CNGB3: variants seen among roughly 807,000 people sequenced by gnomAD.
CNGB3 encodes the protein cyclic nucleotide-gated channel beta-3.
A neutral mutation model predicts 92.8 loss-of-function variants in CNGB3; 86 were observed. The ratio of observed to expected loss-of-function variants is 0.93; its 90% CI spans 0.78 to 1.11. The LOEUF is 1.11. Ranked by LOEUF, CNGB3 falls within the 50% of genes least tolerant of loss-of-function variation. CNGB3 has a pLI of 0.00. For synonymous variants in CNGB3, 333 were observed against 332.7 expected (o/e 1.00, Z -0.01); for missense variants, 1,026 against 956.8 (o/e 1.07, Z -0.95).
intron 2 of CNGB3, among the ~76,000 whole-genome samples, chr8:86,736,522 G>C (rs965839391): frequency 1.3e-5 from 2 of 151,986 alleles, no homozygotes; most frequent in Admixed American, 6.6e-5. Flanking sequence ...TGCTAATTAA[G>C]GTTGTATTTT....
rs537883462 is a variant in CNGB3 at position 86,726,417 on chromosome 8, A to T, written c.338+114T>A. 17 of 1,413,700 alleles carry T rather than the reference A, an allele frequency of 1.2e-5. No individual in the cohort carries two copies. The South Asian group carries it at 2.0e-4, about 16-fold the overall frequency. 87.6% of individuals were successfully genotyped at this position (1,413,700 alleles called of 1,614,324 possible). ...CACAGTTTTTTTGTGTTATGTGACT[A>T]TTGAATTTTTTCTGCCCTTATATTC... On this transcript the variant is annotated intron_variant, in intron 3 of 17. Coordinates refer to ENST00000320005, the MANE Select transcript of CNGB3 (RefSeq NM_019098.5).
intron 13 of CNGB3, among the ~76,000 whole-genome samples, chr8:86,613,913 A>G (rs138572389): frequency 6.8e-6 from 1 of 147,746 alleles, no homozygotes; most frequent in East Asian, 1.9e-4. Flanking sequence ...TATATATAAT[A>G]TGTACATATA....
intron 8 of CNGB3, 44 bp from the exon 9 acceptor site, chr8:86,644,730 AAT>A: frequency 2.4e-6 from 3 of 1,237,030 alleles, no homozygotes; most frequent in East Asian, 2.7e-5. Context: ...GTTAGTCTTA[AAT>A]ATATATATTT....
chr8:86,693,926 A>T (rs1399945112), intron 3 of CNGB3, among the ~76,000 whole-genome samples: 1 of 136,656 alleles, frequency 7.3e-6, no homozygotes, highest in East Asian at 2.6e-4. Flanking sequence ...CAAAACCGCC[A>T]TTGTCATCAT....
At chr8:86,688,751 T>TA (rs1586016876) in intron 3 of CNGB3, among the ~76,000 whole-genome samples, 1 of 151,988 alleles carries the variant, frequency 6.6e-6, no homozygotes, top group East Asian at 1.9e-4. Context: ...TATCTTTTTT[T>TA]AAAAAACCAA....
At chr8:86,683,660 A>T (rs1219015521) in intron 3 of CNGB3, among the ~76,000 whole-genome samples, 1 of 152,164 alleles carries the variant, frequency 6.6e-6, no homozygotes, top group Non-Finnish European at 1.5e-5. Flanking sequence ...TGCTAGGGAC[A>T]GACCTGCAGG....
chr8:86,612,264 A>G (rs115307653), intron 13 of CNGB3, among the ~76,000 whole-genome samples: 279 of 152,322 alleles, frequency 1.8e-3, no homozygotes, highest in African/African-American at 6.4e-3. Context: ...TAATAGTGTA[A>G]GAAACACTGT....
chr8:86,691,221 T>C (rs1026183999), intron 3 of CNGB3, among the ~76,000 whole-genome samples: 12 of 152,324 alleles, frequency 7.9e-5, no homozygotes, highest in African/African-American at 2.9e-4. Flanking sequence ...GTACATTTAT[T>C]TTGTAATCTG....
chr8:86,659,333 C>A, intron 6 of CNGB3: 1 of 1,173,666 alleles, frequency 8.5e-7, no homozygotes, highest in Non-Finnish European at 1.3e-6. Context: ...CCATGGCCTG[C>A]TGTAACTGCT....
intron 12 of CNGB3, 144 bp downstream of exon 12, chr8:86,628,775 C>A (rs1485515507): frequency 7.3e-6 from 6 of 827,098 alleles, no homozygotes; most frequent in Admixed American, 2.5e-5. Flanking sequence ...AAAAAAAAAA[C>A]CTGTAGCATT....
At chr8:86,632,698 G>C in intron 11 of CNGB3, 54 bp downstream of exon 11, 1 of 1,566,426 alleles carries the variant, frequency 6.4e-7, no homozygotes. Context: ...ACAAAGACCT[G>C]TTAGTCTTTC....
At chr8:86,685,359 C>T (rs1305403134) in intron 3 of CNGB3, among the ~76,000 whole-genome samples, 1 of 152,016 alleles carries the variant, frequency 6.6e-6, no homozygotes, top group African/African-American at 2.4e-5. Context: ...TGGGCCCCTT[C>T]CTAGGCCTAT....
chr8:86,700,130 C>G (rs1824524310), intron 3 of CNGB3, among the ~76,000 whole-genome samples: 1 of 152,258 alleles, frequency 6.6e-6, no homozygotes, highest in Non-Finnish European at 1.5e-5. Flanking sequence ...CTAATTACTG[C>G]AGATTAAGAG....
At chr8:86,722,902 G>C (rs949871541) in intron 3 of CNGB3, among the ~76,000 whole-genome samples, 30 of 152,182 alleles carry the variant, frequency 2.0e-4, no homozygotes, top group African/African-American at 6.5e-4. Flanking sequence ...TGGCTTTCCC[G>C]GGTCTCTAGC....
At chr8:86,652,738 T>G (rs1318854370) in intron 7 of CNGB3, among the ~76,000 whole-genome samples, 1 of 152,068 alleles carries the variant, frequency 6.6e-6, no homozygotes, top group African/African-American at 2.4e-5. Context: ...TGGGTGGAGC[T>G]GTCATTTCCT....
intron 15 of CNGB3, among the ~76,000 whole-genome samples, chr8:86,589,408 C>T (rs1323733108): frequency 6.6e-6 from 1 of 150,660 alleles, no homozygotes; most frequent in East Asian, 1.9e-4. Context: ...TCTTGCTTCT[C>T]TAGTTCTTTT....
intron 3 of CNGB3, among the ~76,000 whole-genome samples, chr8:86,719,081 G>A (rs1445938446): frequency 6.6e-6 from 1 of 151,582 alleles, no homozygotes. Context: ...ATGGGGAAAA[G>A]TTGAAAGCAT....
intron 2 of CNGB3, among the ~76,000 whole-genome samples, chr8:86,735,861 A>T (rs1825242782): frequency 6.6e-6 from 1 of 152,198 alleles, no homozygotes; most frequent in Admixed American, 6.5e-5. Flanking sequence ...GGCTTACCAC[A>T]CCATACTAGC....
At chr8:86,576,687 A>G (rs1312024770) in intron 17 of CNGB3, among the ~76,000 whole-genome samples, 1 of 152,210 alleles carries the variant, frequency 6.6e-6, no homozygotes, top group African/African-American at 2.4e-5. Flanking sequence ...TAGAAATTTC[A>G]TAGCAAAAGG....
Sources: gnomAD v4.1 joint callset for allele counts (sites outside exome capture counted in the v4.1 genomes callset) on GRCh38, gnomAD v4.1.1 for gene constraint, MANE v1.5 for transcripts, NCBI Gene and HGNC (gene_info 2026-07-23, HGNC 2026-07-21) for gene names.